The following GPC5 variants were observed in gnomAD, a reference collection of about 807,000 sequenced individuals.
The protein encoded by GPC5 is glypican 5.
A neutral mutation model predicts 53.9 loss-of-function variants in GPC5; 47 were observed. That is an observed-to-expected ratio of 0.87 (90% CI 0.69 to 1.11). The LOEUF is 1.11. GPC5 is among the 50% of genes most tolerant of loss of function. GPC5 has a pLI of 0.00. For synonymous variants in GPC5, 286 were observed against 263.3 expected (o/e 1.09, Z -0.84); for missense variants, 748 against 713.1 (o/e 1.05, Z -0.56).
chr13:91,575,114 A>G (rs1437798663), intron 2 of GPC5, among the ~76,000 whole-genome samples: 2 of 152,162 alleles, frequency 1.3e-5, no homozygotes, highest in Non-Finnish European at 2.9e-5. Context: ...CTATTGAGGC[A>G]GTTTTCTGCC....
At chr13:92,031,876 CAT>C (rs1194855760) in intron 6 of GPC5, among the ~76,000 whole-genome samples, 10 of 38,248 alleles carry the variant, frequency 2.6e-4, no homozygotes, top group Middle Eastern at 0.011. Context: ...TTATATATAA[CAT>C]ATATTTTATA....
intron 2 of GPC5, among the ~76,000 whole-genome samples, chr13:91,495,468 T>C (rs1357117662): frequency 6.6e-6 from 1 of 152,174 alleles, no homozygotes; most frequent in Admixed American, 6.5e-5. Context: ...ATACTCAATT[T>C]GACATCTTCT....
intron 5 of GPC5, among the ~76,000 whole-genome samples, chr13:91,883,571 T>C (rs1257610006): frequency 6.6e-6 from 1 of 152,158 alleles, no homozygotes; most frequent in Non-Finnish European, 1.5e-5. Context: ...GCAAAAGCCC[T>C]GAGTCAGAAA....
At chr13:91,558,958 A>G (rs78040320) in intron 2 of GPC5, among the ~76,000 whole-genome samples, 2 of 152,154 alleles carry the variant, frequency 1.3e-5, no homozygotes, top group African/African-American at 2.4e-5. Flanking sequence ...TCATATTAAT[A>G]GTTAATTTCT....
chr13:91,724,656 C>T (rs755641139), intron 3 of GPC5, among the ~76,000 whole-genome samples: 1 of 151,712 alleles, frequency 6.6e-6, no homozygotes, highest in Non-Finnish European at 1.5e-5. Context: ...TGAGACCAGC[C>T]CTGGCAACAT....
chr13:92,074,569 T>G (rs939201407), intron 6 of GPC5, among the ~76,000 whole-genome samples: 1 of 152,182 alleles, frequency 6.6e-6, no homozygotes, highest in Non-Finnish European at 1.5e-5. Context: ...TAAAAGTGTA[T>G]GTTTATGTCA....
intron 7 of GPC5, among the ~76,000 whole-genome samples, chr13:92,411,074 A>AAAAC (rs572830782): frequency 6.6e-6 from 1 of 152,110 alleles, no homozygotes; most frequent in Non-Finnish European, 1.5e-5. Flanking sequence ...CTGTCTCTCC[A>AAAAC]AAACAAACAA....
chr13:92,560,897 GTA>G (rs1168016376), intron 7 of GPC5, among the ~76,000 whole-genome samples: 2 of 149,572 alleles, frequency 1.3e-5, no homozygotes, highest in African/African-American at 5.0e-5. Flanking sequence ...GTGTGTGTGT[GTA>G]TACATATATC....
chr13:92,577,732 A>G (rs560182859), intron 7 of GPC5, among the ~76,000 whole-genome samples: 2 of 152,006 alleles, frequency 1.3e-5, no homozygotes, highest in South Asian at 4.2e-4. Flanking sequence ...ACAAAATCTC[A>G]TCATGAAAAG....
intron 7 of GPC5, among the ~76,000 whole-genome samples, chr13:92,411,886 A>G (rs889144780): frequency 3.3e-5 from 5 of 152,096 alleles, no homozygotes; most frequent in Admixed American, 3.3e-4. Context: ...TCTTTCTATT[A>G]GGTTGGTGCA....
intron 7 of GPC5, among the ~76,000 whole-genome samples, chr13:92,361,512 A>G (rs1457493202): frequency 6.6e-6 from 1 of 151,704 alleles, no homozygotes; most frequent in Non-Finnish European, 1.5e-5. Context: ...CTTATGAGAG[A>G]GCATGAGTTG....
At position 92,243,424 on chromosome 13, in the gene GPC5, A is replaced by G. The variant is rs554712514; in HGVS notation, c.1561+98435A>G. ...AGTCAGAGTAGAAATAACAGGACCAATTGGGAGCCTATTGCAATAGTCTAG... is the reference window on the plus strand; with the variant it reads ...AGTCAGAGTAGAAATAACAGGACCAGTTGGGAGCCTATTGCAATAGTCTAG... On this transcript the variant is annotated intron_variant, in intron 7 of 7. Coordinates refer to ENST00000377067, the MANE Select transcript of GPC5 (RefSeq NM_004466.6). Among the ~76,000 whole-genome samples, 8 of 152,234 alleles carry G rather than the reference A, an allele frequency of 5.3e-5. 1 individual carries two copies. The South Asian group carries it at 1.2e-3, about 24-fold the overall frequency.
intron 7 of GPC5, among the ~76,000 whole-genome samples, chr13:92,508,279 T>C (rs898037447): frequency 6.6e-6 from 1 of 152,186 alleles, no homozygotes; most frequent in Non-Finnish European, 1.5e-5. Context: ...AAGAGTTAAC[T>C]CAATAAATTA....
At chr13:92,373,494 C>G (rs561410546) in intron 7 of GPC5, among the ~76,000 whole-genome samples, 1 of 152,294 alleles carries the variant, frequency 6.6e-6, no homozygotes, top group African/African-American at 2.4e-5. Flanking sequence ...ATTCTAAGTT[C>G]TCACATGAGA....
intron 7 of GPC5, among the ~76,000 whole-genome samples, chr13:92,831,920 A>T (rs1034539119): frequency 2.0e-5 from 3 of 152,162 alleles, no homozygotes; most frequent in African/African-American, 7.2e-5. Flanking sequence ...AAGTACTCTG[A>T]TTGGCCTTGT....
At chr13:91,455,932 A>G (rs528540315) in intron 2 of GPC5, among the ~76,000 whole-genome samples, 3 of 152,248 alleles carry the variant, frequency 2.0e-5, no homozygotes, top group Non-Finnish European at 4.4e-5. Flanking sequence ...TAAAGACCAC[A>G]TACTTTCAAT....
intron 5 of GPC5, among the ~76,000 whole-genome samples, chr13:91,848,124 A>G (rs2038873123): frequency 6.6e-6 from 1 of 152,226 alleles, no homozygotes; most frequent in Non-Finnish European, 1.5e-5. Context: ...AAAAATCATA[A>G]TTATTAATTG....
intron 7 of GPC5, among the ~76,000 whole-genome samples, chr13:92,549,026 G>A (rs778046541): frequency 1.3e-5 from 2 of 152,056 alleles, no homozygotes; most frequent in African/African-American, 2.4e-5. Context: ...CCAATGGGCA[G>A]CCTTTCTAAT....
At chr13:92,363,998 A>G (rs566589416) in intron 7 of GPC5, among the ~76,000 whole-genome samples, 8 of 151,884 alleles carry the variant, frequency 5.3e-5, no homozygotes, top group South Asian at 4.1e-4. Context: ...TGACTAGGAG[A>G]GAAATTGAAG....
Sources: gnomAD v4.1 joint callset for allele counts (sites outside exome capture counted in the v4.1 genomes callset) on GRCh38, gnomAD v4.1.1 for gene constraint, MANE v1.5 for transcripts, NCBI Gene and HGNC (gene_info 2026-07-23, HGNC 2026-07-21) for gene names.